Variants in PTPRT observed in about 807,000 individuals in gnomAD.
PTPRT encodes the protein protein tyrosine phosphatase receptor type T.
Under a neutral mutation model 176.8 loss-of-function variants are expected in PTPRT, and 56 were observed. The ratio of observed to expected loss-of-function variants is 0.32; its 90% CI spans 0.26 to 0.40. The LOEUF is 0.40. PTPRT is among the 10% of genes least tolerant of loss of function. The probability of loss-of-function intolerance (pLI) is 1.00; values close to 1 mark genes in which losing one functional copy is unlikely to be tolerated. For missense variants in PTPRT, 1,540 were observed against 1,908.2 expected, an observed-to-expected ratio of 0.81 and a Z score of 3.60; for synonymous variants, 783 against 739.0, an observed-to-expected ratio of 1.06 and a Z score of -0.96.
At chr20:42,147,700 AGTGGGTGGCAGTTC>A (rs1374065276) in intron 17 of PTPRT, among the ~76,000 whole-genome samples, 1 of 152,180 alleles carries the variant, frequency 6.6e-6, no homozygotes, top group Admixed American at 6.5e-5. Flanking sequence ...AGTTGTGATA[AGTGGGTGGCAGTTC>A]GTGGGAAACC....
intron 6 of PTPRT, among the ~76,000 whole-genome samples, chr20:42,743,587 C>A (rs1201584198): frequency 6.6e-6 from 1 of 152,156 alleles, no homozygotes; most frequent in Non-Finnish European, 1.5e-5. Flanking sequence ...GACAAATAGT[C>A]AAGTCAAGGC....
intron 1 of PTPRT, among the ~76,000 whole-genome samples, chr20:42,924,203 T>C (rs539556672): frequency 6.6e-6 from 1 of 152,264 alleles, no homozygotes; most frequent in East Asian, 1.9e-4. Flanking sequence ...AGAATTCCCA[T>C]ATCATGACTT....
At chr20:43,050,911 G>A (rs1172358829) in intron 1 of PTPRT, among the ~76,000 whole-genome samples, 1 of 152,168 alleles carries the variant, frequency 6.6e-6, no homozygotes, top group African/African-American at 2.4e-5. Context: ...GTTCTAAGAT[G>A]AGAAAGTGAC....
At chr20:42,165,756 T>TG (rs1258715971) in intron 16 of PTPRT, among the ~76,000 whole-genome samples, 4 of 152,222 alleles carry the variant, frequency 2.6e-5, no homozygotes, top group Non-Finnish European at 5.9e-5. Context: ...TCTACTATAT[T>TG]GGGCAGTGCA....
intron 1 of PTPRT, among the ~76,000 whole-genome samples, chr20:42,886,530 G>A (rs1232055118): frequency 6.6e-6 from 1 of 152,200 alleles, no homozygotes. Context: ...GTAAAAAGCA[G>A]TCTGAAAAAT....
At chr20:42,899,754 G>T (rs2079368540) in intron 1 of PTPRT, among the ~76,000 whole-genome samples, 1 of 152,192 alleles carries the variant, frequency 6.6e-6, no homozygotes, top group African/African-American at 2.4e-5. Context: ...ATGAATGAAT[G>T]AATGAAATAG....
intron 19 of PTPRT, among the ~76,000 whole-genome samples, chr20:42,120,378 C>A (rs1987525810): frequency 6.6e-6 from 1 of 152,036 alleles, no homozygotes; most frequent in Admixed American, 6.5e-5. Flanking sequence ...ATGGGACACC[C>A]AGAGAAGAAA....
rs58932390 is a variant in PTPRT, at chr20:42,409,481, C to CAAAA, written c.1560+38735_1560+38738dup. On this transcript the variant is annotated intron_variant, in intron 9 of 30. Transcript: ENST00000373187. ...TGGGCAACAGAACGAGACTCTGTCG[C>CAAAA]AAAAAAAAAAAAAAAAAAAAAAAAA... 1.2e-4 allele frequency among the ~76,000 whole-genome samples: 14 copies of CAAAA among 112,170 alleles called. 1 individual carries two copies. The highest frequency in any genetic ancestry group is 4.0e-4 in the African/African-American group (11 of 27,468). 73.6% of individuals were successfully genotyped at this position (112,170 alleles called of 152,430 possible).
intron 1 of PTPRT, among the ~76,000 whole-genome samples, chr20:42,934,796 T>C (rs6030563): frequency 0.1 from 15,807 of 152,090 alleles, 2,447 homozygotes; most frequent in African/African-American, 0.34. Context: ...TAGCCAAGCA[T>C]GGTGGCTCAC....
At position 42,594,285 on chromosome 20, in the gene PTPRT, C is replaced by T. The variant is rs571195555; in HGVS notation, c.1153+83581G>A. Among the ~76,000 whole-genome samples, 3 of 152,196 alleles carry T rather than the reference C, an allele frequency of 2.0e-5. No individual in the cohort carries two copies. The East Asian group carries it at 5.8e-4, about 29-fold the overall frequency. On this transcript the variant is annotated intron_variant, in intron 7 of 30. Transcript: ENST00000373187. ...GCCGCTGTCAATCCAGATCCTGTCC[C>T]ACCACGACCATTTCTGAGAAACAGA... is the stretch of plus-strand genomic sequence containing the variant.
chr20:42,928,454 G>A (rs1439281500), intron 1 of PTPRT, among the ~76,000 whole-genome samples: 3 of 152,196 alleles, frequency 2.0e-5, no homozygotes, highest in Non-Finnish European at 4.4e-5. Context: ...GCAGTAAGAG[G>A]AGGAGGGAAT....
intron 7 of PTPRT, among the ~76,000 whole-genome samples, chr20:42,630,241 C>T (rs182699978): frequency 8.5e-5 from 13 of 152,180 alleles, no homozygotes; most frequent in Admixed American, 2.6e-4. Flanking sequence ...AAAAGTCAGC[C>T]GACAGATTCT....
intron 27 of PTPRT, among the ~76,000 whole-genome samples, chr20:42,097,335 A>G (rs1021549623): frequency 2.6e-5 from 4 of 152,132 alleles, no homozygotes; most frequent in Non-Finnish European, 5.9e-5. Flanking sequence ...TGTTCCGCAA[A>G]TAAGTCTGTG....
In PTPRT at chr20:42,514,806, G is replaced by A. The variant is rs538902932; in HGVS notation, c.1154-42244C>T. ...CAAGTGGAAAATCAATTATTCTATC[G>A]CTATGTAGGATTGTTGTCATAACAA... On this transcript the variant is annotated intron_variant, in intron 7 of 30. Transcript: ENST00000373187. Among the ~76,000 whole-genome samples, 9 of 152,196 alleles carry A rather than the reference G, an allele frequency of 5.9e-5. No homozygotes were observed. In the East Asian group the frequency reaches 1.5e-3, roughly 26 times the overall value.
intron 7 of PTPRT, among the ~76,000 whole-genome samples, chr20:42,480,104 C>T (rs935221140): frequency 6.6e-6 from 1 of 152,192 alleles, no homozygotes. Context: ...TTGAAAACTA[C>T]TCACTGAGCA....
chr20:42,237,271 G>A (rs1368691282), intron 14 of PTPRT, among the ~76,000 whole-genome samples: 1 of 152,190 alleles, frequency 6.6e-6, no homozygotes, highest in Non-Finnish European at 1.5e-5. Context: ...GGCAGTAGAT[G>A]ACCGGCGCAA....
At chr20:42,455,023 C>T (rs1309794397) in intron 8 of PTPRT, among the ~76,000 whole-genome samples, 1 of 152,168 alleles carries the variant, frequency 6.6e-6, no homozygotes, top group Non-Finnish European at 1.5e-5. Context: ...GGTTGGGTTA[C>T]TCTGAGACAT....
chr20:42,499,494 G>C (rs1329027305), intron 7 of PTPRT, among the ~76,000 whole-genome samples: 1 of 151,990 alleles, frequency 6.6e-6, no homozygotes, highest in Non-Finnish European at 1.5e-5. Context: ...GTTTCACCAT[G>C]TTGGCCAGGC....
intron 2 of PTPRT, among the ~76,000 whole-genome samples, chr20:42,828,304 G>T (rs2078030409): frequency 6.6e-6 from 1 of 152,200 alleles, no homozygotes; most frequent in Non-Finnish European, 1.5e-5. Context: ...CTTTGAAACT[G>T]AGAGAGATAA....
Sources: allele counts gnomAD v4.1 joint callset (sites outside exome capture counted in the v4.1 genomes callset), GRCh38; gene constraint gnomAD v4.1.1; transcripts MANE v1.5; gene names NCBI Gene and HGNC (gene_info 2026-07-23, HGNC 2026-07-21).